The following BRAP variants were observed in gnomAD, a reference collection of about 807,000 sequenced individuals.
BRAP encodes BRCA1 associated protein.
BRAP carries 42 observed loss-of-function variants against 73.4 expected under a neutral mutation model. That is an observed-to-expected ratio of 0.57 (90% confidence interval 0.45 to 0.74). The LOEUF (loss-of-function observed/expected upper bound fraction) is 0.74, where lower values mean the gene tolerates loss of function less well. Ranked by LOEUF, BRAP falls within the 30% of genes least tolerant of loss-of-function variation. The pLI, the probability that BRAP is intolerant of heterozygous loss-of-function variation, is 0.00. For synonymous variants in BRAP, 255 were observed against 267.4 expected (o/e 0.95, Z 0.45); for missense variants, 593 against 751.4 (o/e 0.79, Z 2.46).
At chr12:111,670,038 T>G (rs1210571550) in intron 5 of BRAP, 1 of 634,124 alleles carries the variant, frequency 1.6e-6, no homozygotes, top group Non-Finnish European at 3.0e-6. Flanking sequence ...ACTATCTTCA[T>G]CTTCATTAAA....
chr12:111,676,841 T>A (rs531454460), intron 4 of BRAP, among the ~76,000 whole-genome samples: 2 of 152,298 alleles, frequency 1.3e-5, no homozygotes, highest in African/African-American at 2.4e-5. Context: ...ACAGCCGATA[T>A]TAGTTTAACT....
intron 7 of BRAP, among the ~76,000 whole-genome samples, 184 bp downstream of exon 7, chr12:111,660,416 G>A (rs1347667390): frequency 6.6e-6 from 1 of 152,068 alleles, no homozygotes; most frequent in East Asian, 1.9e-4. Context: ...ATGGGTGGCT[G>A]AAGTGGAAGG....
chr12:111,644,032 C>T lies in BRAP; in HGVS notation c.*167G>A. 9.2e-7 allele frequency: 1 copy of T among 1,089,520 alleles called. No homozygotes were observed. Among genetic ancestry groups the T allele is most frequent in the South Asian group, 1.7e-5 (1 of 59,204 alleles). 67.5% of individuals were successfully genotyped at this position (1,089,520 alleles called of 1,614,324 possible). On this transcript the variant is annotated 3_prime_UTR_variant, in exon 12 of 12. Transcript: ENST00000419234. ...CTTTCTATCAGCTCTCCAGTCAGCA[C>T]CCTTTACATTCACTACATCACACAC...
intron 6 of BRAP, among the ~76,000 whole-genome samples, chr12:111,664,146 C>T (rs947820657): frequency 6.6e-6 from 1 of 152,014 alleles, no homozygotes; most frequent in African/African-American, 2.4e-5. Context: ...GACAACATAG[C>T]GAGACCCCAT....
At chr12:111,656,608 C>T (rs1886544021) in intron 9 of BRAP, among the ~76,000 whole-genome samples, 1 of 152,164 alleles carries the variant, frequency 6.6e-6, no homozygotes. Flanking sequence ...CTGCAGACTA[C>T]AGAGAGGGCA....
intron 6 of BRAP, 65 bp from the exon 7 acceptor site, chr12:111,660,740 A>C: frequency 7.1e-7 from 1 of 1,401,756 alleles, no homozygotes; most frequent in Non-Finnish European, 9.7e-7. Flanking sequence ...ACAGAACCCA[A>C]AAGTCAAACA....
chr12:111,666,499 C>T (rs575259077), intron 5 of BRAP, among the ~76,000 whole-genome samples: 1 of 152,192 alleles, frequency 6.6e-6, no homozygotes. Context: ...AGACACTGTT[C>T]TAGGTGTGGA....
At chr12:111,653,728 A>T (rs945182961) in intron 10 of BRAP, among the ~76,000 whole-genome samples, 12 of 152,264 alleles carry the variant, frequency 7.9e-5, no homozygotes, top group African/African-American at 2.9e-4. Context: ...CTCCCTGAAC[A>T]TGTTCTACTG....
At chr12:111,661,860 C>T (rs566486578) in intron 6 of BRAP, among the ~76,000 whole-genome samples, 16 of 152,140 alleles carry the variant, frequency 1.1e-4, no homozygotes, top group Admixed American at 5.2e-4. Context: ...TGTAGGCATG[C>T]ACCCCCATGC....
chr12:111,663,489 A>T (rs1232816338), intron 6 of BRAP, among the ~76,000 whole-genome samples: 2 of 152,292 alleles, frequency 1.3e-5, no homozygotes, highest in Non-Finnish European at 2.9e-5. Flanking sequence ...AGTTTATTAA[A>T]TTCTTCCTGC....
At chr12:111,655,121 C>T (rs919223446) in intron 10 of BRAP, among the ~76,000 whole-genome samples, 1 of 152,072 alleles carries the variant, frequency 6.6e-6, no homozygotes, top group Non-Finnish European at 1.5e-5. Flanking sequence ...TGCCCTAGAC[C>T]TTCAGGGTGA....
chr12:111,653,783 G>T (rs1328920466), intron 10 of BRAP, among the ~76,000 whole-genome samples: 1 of 152,094 alleles, frequency 6.6e-6, no homozygotes, highest in Non-Finnish European at 1.5e-5. Flanking sequence ...GGAGGACCGT[G>T]GCAGAACAAA....
chr12:111,683,892 A>C (rs755431465), intron 1 of BRAP, among the ~76,000 whole-genome samples: 1 of 152,188 alleles, frequency 6.6e-6, no homozygotes, highest in Non-Finnish European at 1.5e-5. Context: ...CTTAGAGAAG[A>C]TGCAACAGTG....
chr12:111,646,683 G>A (rs2135891244), intron 11 of BRAP, among the ~76,000 whole-genome samples: 1 of 152,268 alleles, frequency 6.6e-6, no homozygotes, highest in Admixed American at 6.5e-5. Context: ...TGAGGCAGGA[G>A]AACTGCTTGA....
At chr12:111,646,572 A>G (rs1226129932) in intron 11 of BRAP, among the ~76,000 whole-genome samples, 5 of 152,162 alleles carry the variant, frequency 3.3e-5, no homozygotes, top group African/African-American at 1.2e-4. Context: ...CAGGAGTTCA[A>G]CATCAGCCTG....
chr12:111,657,929 G>C (rs1171410245), intron 9 of BRAP, among the ~76,000 whole-genome samples: 1 of 151,854 alleles, frequency 6.6e-6, no homozygotes, highest in South Asian at 2.1e-4. Flanking sequence ...ACAAGGCACA[G>C]TGAAACTTAG....
rs776517927 is a variant in BRAP, at chr12:111,665,749, G to A, written c.786C>T (p.Pro262=). The A allele has an allele frequency of 1.9e-6, 3 of 1,614,250 alleles. No individual in the cohort carries two copies. Among genetic ancestry groups the A allele is most frequent in the African/African-American group, 2.7e-5 (2 of 75,076 alleles). Residue 262 remains proline (P), a synonymous_variant, in exon 6 of 12, where the codon CCC becomes CCT. Transcript: ENST00000419234. This position sits in a 1 kb window ranked among gnomAD's most constrained non-coding sequence, Gnocchi z 4.3. ...SLPVMDLTEL[P]KCTVCLERMD... is the part of the protein sequence containing the mutation. ...TGCGCTCCAGACACACCGTGCACTTGGGGAGTTCAGTCAGGTCCATCACTG... is the reference window on the plus strand; with the variant it reads ...TGCGCTCCAGACACACCGTGCACTTAGGGAGTTCAGTCAGGTCCATCACTG...
At chr12:111,676,056 T>G (rs1887368421) in intron 4 of BRAP, among the ~76,000 whole-genome samples, 1 of 152,110 alleles carries the variant, frequency 6.6e-6, no homozygotes, top group African/African-American at 2.4e-5. Flanking sequence ...TAAAAAAAAT[T>G]TTTAAGAAAC....
rs80229432 is a variant in BRAP, at chr12:111,683,264, G to A, written c.126C>T (p.Ala42=). The change falls in exon 2 of 12, where the codon GCC becomes GCT. Residue 42 remains alanine, a synonymous_variant. Coordinates refer to ENST00000419234, the MANE Select transcript of BRAP (RefSeq NM_006768.5). ...TGCCTTCTAAACAGGCTACAGCTGA[G>A]GCTAGTGTCGTCTTTTTTATCTCCT... The part of the protein sequence containing the change: ...SDEEIKKTTL[A]SAVACLEGKS... 3,108 of 1,613,234 alleles carry A rather than the reference G, an allele frequency of 1.9e-3. 57 individuals are homozygous for A. The African/African-American group carries it at 0.035, about 18-fold the overall frequency.
Sources: gnomAD v4.1 joint callset for allele counts (sites outside exome capture counted in the v4.1 genomes callset) on GRCh38, gnomAD v4.1.1 for gene constraint, Gnocchi (gnomAD v3.1) non-coding constraint, MANE v1.5 for transcripts, NCBI Gene and HGNC (gene_info 2026-07-23, HGNC 2026-07-21) for gene names.